Variants in PSMA3 observed in about 807,000 individuals in gnomAD.
The protein encoded by PSMA3 is proteasome subunit alpha type-3.
Under a neutral mutation model 40.0 loss-of-function variants are expected in PSMA3, and 8 were observed. The ratio of observed to expected loss-of-function variants is 0.20; its 90% CI spans 0.12 to 0.36. PSMA3 has a LOEUF of 0.36. PSMA3 is among the 10% of genes least tolerant of loss of function. PSMA3 has a pLI of 1.00. For synonymous variants in PSMA3, 110 were observed against 100.0 expected (o/e 1.10, Z -0.59); for missense variants, 219 against 310.6 (o/e 0.70, Z 2.22).
intron 3 of PSMA3, among the ~76,000 whole-genome samples, chr14:58,256,939 C>CA (rs1386614548): frequency 6.7e-6 from 1 of 148,720 alleles, no homozygotes; most frequent in Non-Finnish European, 1.5e-5. Flanking sequence ...GCCAACATGA[C>CA]AAAACCAAAC....
rs1594829184 is a variant in PSMA3 at position 58,260,568 on chromosome 14, G to C, written c.405-380G>C. On this transcript the variant is annotated intron_variant, in intron 5 of 10. Coordinates refer to ENST00000216455, the MANE Select transcript of PSMA3 (RefSeq NM_002788.4). ...ATATTGGGAAATAGAATGAAGGGTG[G>C]AAAGAATTTCACATGGATTCAGTAT... Among the ~76,000 whole-genome samples, 2 of 152,280 alleles carry C rather than the reference G, an allele frequency of 1.3e-5. 1 individual carries two copies. The highest frequency in any genetic ancestry group is 2.9e-5 in the Non-Finnish European group (2 of 68,030).
At chr14:58,266,605 T>G (rs900293408) in intron 7 of PSMA3, 6 of 152,350 alleles carry the variant, frequency 3.9e-5, no homozygotes, top group Middle Eastern at 3.4e-3. Context: ...TGCTTAATTC[T>G]AATTTGGAAA....
At chr14:58,263,863 C>A in intron 7 of PSMA3, 93 bp downstream of exon 7, 1 of 1,151,470 alleles carries the variant, frequency 8.7e-7, no homozygotes, top group Non-Finnish European at 1.3e-6. Flanking sequence ...CAGGGATGTC[C>A]AATCATTTGG....
At chr14:58,255,988 A>T (rs1480384914) in intron 3 of PSMA3, among the ~76,000 whole-genome samples, 1 of 151,992 alleles carries the variant, frequency 6.6e-6, no homozygotes, top group Non-Finnish European at 1.5e-5. Context: ...CCTTGGGAGT[A>T]GGTAGGATTA....
In PSMA3 at chr14:58,270,843, A is replaced by T. The variant is rs1014437926; in HGVS notation, c.659-91A>T. 3.7e-6 allele frequency: 4 copies of T among 1,078,930 alleles called. No homozygotes were observed. In the East Asian group the frequency reaches 7.4e-5, roughly 20 times the overall value. The allele number at this position is 1,078,930 out of a possible 1,614,324, so 66.8% of individuals were successfully genotyped here. Reference sequence around the variant, plus strand: ...AACTTTGCAACCTTAGGTGAGTCAGATATGTGGATTGGGTAGATCCTATGG... The same window carrying T: ...AACTTTGCAACCTTAGGTGAGTCAGTTATGTGGATTGGGTAGATCCTATGG... On this transcript the variant is annotated intron_variant, in intron 9 of 10. Transcript: ENST00000216455.
intron 8 of PSMA3, chr14:58,270,146 A>C: frequency 3.2e-6 from 1 of 310,236 alleles, no homozygotes; most frequent in Non-Finnish European, 5.8e-6. Context: ...GTGCCCAGCC[A>C]AGTTATATCT....
chr14:58,247,551 T>C (rs563328769), intron 1 of PSMA3, among the ~76,000 whole-genome samples, 199 bp from the exon 2 acceptor site: 7 of 152,354 alleles, frequency 4.6e-5, no homozygotes, highest in African/African-American at 1.4e-4. Context: ...TCCATTACTC[T>C]TCAATAGCTG....
chr14:58,249,781 T>C (rs1394848788), intron 2 of PSMA3, among the ~76,000 whole-genome samples: 1 of 152,176 alleles, frequency 6.6e-6, no homozygotes, highest in Non-Finnish European at 1.5e-5. Context: ...GCTGGTATTA[T>C]AGGTGTGAGC....
At chr14:58,246,500 G>T (rs1337454495) in intron 1 of PSMA3, among the ~76,000 whole-genome samples, 1 of 152,166 alleles carries the variant, frequency 6.6e-6, no homozygotes, top group Non-Finnish European at 1.5e-5. Context: ...CCAGGTTCAA[G>T]CAATTCTCCT....
chr14:58,255,779 G>T (rs2140085164), intron 3 of PSMA3, among the ~76,000 whole-genome samples: 1 of 152,260 alleles, frequency 6.6e-6, no homozygotes, highest in East Asian at 1.9e-4. Context: ...CAAAAAAAAA[G>T]ATATGCCACA....
At chr14:58,261,907 T>C (rs778123192) in intron 6 of PSMA3, among the ~76,000 whole-genome samples, 4 of 151,970 alleles carry the variant, frequency 2.6e-5, no homozygotes, top group Admixed American at 6.6e-5. Flanking sequence ...TGAGCATCGA[T>C]GTCCAGCCAT....
chr14:58,247,653 TA>T, intron 1 of PSMA3, 96 bp from the exon 2 acceptor site: 1 of 766,570 alleles, frequency 1.3e-6, no homozygotes, highest in South Asian at 1.8e-5. Flanking sequence ...TGTTGGGATA[TA>T]ACAGGTTCCT....
chr14:58,248,302 T>G (rs1243800366), intron 2 of PSMA3, among the ~76,000 whole-genome samples: 1 of 152,218 alleles, frequency 6.6e-6, no homozygotes, highest in Non-Finnish European at 1.5e-5. Context: ...CGATCTTGGC[T>G]CACTGCAACC....
intron 6 of PSMA3, among the ~76,000 whole-genome samples, chr14:58,261,521 ATTT>A (rs1245466123): frequency 6.6e-6 from 1 of 151,972 alleles, no homozygotes; most frequent in Non-Finnish European, 1.5e-5. Context: ...CAGAGGAAAG[ATTT>A]TTTTTCAGTA....
intron 2 of PSMA3, among the ~76,000 whole-genome samples, chr14:58,249,203 G>A (rs867705353): frequency 1.6e-4 from 24 of 151,888 alleles, no homozygotes; most frequent in Middle Eastern, 6.8e-3. Flanking sequence ...CAGGTGATCC[G>A]CCTGCCTCAG....
chr14:58,267,820 T>C (rs1478451757), intron 8 of PSMA3: 1 of 217,216 alleles, frequency 4.6e-6, no homozygotes, highest in African/African-American at 2.3e-5. Flanking sequence ...ATCTCTTAAG[T>C]CCTAATAATA....
chr14:58,270,885 A>G, intron 9 of PSMA3, 49 bp from the exon 10 acceptor site: 1 of 1,454,238 alleles, frequency 6.9e-7, no homozygotes, highest in Admixed American at 1.8e-5. Context: ...GCAAGTTACA[A>G]TATGGTACTC....
chr14:58,261,858 C>G (rs965885511), intron 6 of PSMA3, among the ~76,000 whole-genome samples: 2 of 152,112 alleles, frequency 1.3e-5, no homozygotes, highest in African/African-American at 4.8e-5. Context: ...TTAAGCAGTC[C>G]TCCTGCCTTG....
chr14:58,260,832 T>A, intron 5 of PSMA3, 116 bp from the exon 6 acceptor site: 1 of 630,656 alleles, frequency 1.6e-6, no homozygotes, highest in Non-Finnish European at 2.7e-6. Flanking sequence ...TACTGAGTTA[T>A]ATGTGTATTA....
Sources: allele counts gnomAD v4.1 joint callset (sites outside exome capture counted in the v4.1 genomes callset), GRCh38; gene constraint gnomAD v4.1.1; transcripts MANE v1.5; gene names NCBI Gene and HGNC (gene_info 2026-07-23, HGNC 2026-07-21).